EXOC6: variants seen among roughly 807,000 people sequenced by gnomAD.
EXOC6 encodes the protein exocyst complex component 6.
EXOC6 carries 60 observed loss-of-function variants against 112.5 expected under a neutral mutation model. That is an observed-to-expected ratio of 0.53 (90% CI 0.43 to 0.66). EXOC6 has a LOEUF of 0.66. Ranked by LOEUF, EXOC6 falls within the 30% of genes least tolerant of loss-of-function variation. The probability of loss-of-function intolerance (pLI) is 0.00; values close to 1 mark genes in which losing one functional copy is unlikely to be tolerated. For missense variants in EXOC6, 855 were observed against 957.1 expected (o/e 0.89, Z 1.41); for synonymous variants, 295 against 308.0 (o/e 0.96, Z 0.44).
At chr10:92,879,656 A>G (rs1009140562) in intron 1 of EXOC6, among the ~76,000 whole-genome samples, 14 of 152,222 alleles carry the variant, frequency 9.2e-5, no homozygotes, top group Non-Finnish European at 1.8e-4. Flanking sequence ...TTGATATTCA[A>G]TTCCTTATAG....
rs764895746 is a variant in EXOC6, at chr10:92,954,727, A to G, written c.1624A>G (p.Ile542Val). ...CLLNLIRKPHIGLTELVQIII... is the reference protein window; with the variant it reads ...CLLNLIRKPHVGLTELVQIII... ...ACTGAACCTTATTAGAAAACCTCAT[A>G]TAGGTTTGACAGAGGTAGGTTAAAA... Residue 542 changes from isoleucine (I) to valine (V), a missense_variant, in exon 16 of 22, where the codon ATA becomes GTA. Physicochemically the swap from Ile to Val is conservative, Grantham distance 29. Around this residue, in one of 2 missense-constraint regions of EXOC6, gnomAD observed 450 missense variants for 563.5 expected, o/e 0.80. Coordinates refer to ENST00000260762, the MANE Select transcript of EXOC6 (RefSeq NM_019053.6). 9.7e-6 allele frequency: 15 copies of G among 1,549,662 alleles called. No homozygotes were observed. The highest frequency in any genetic ancestry group is 8.5e-5 in the Admixed American group (5 of 58,696).
intron 8 of EXOC6, among the ~76,000 whole-genome samples, chr10:92,927,993 C>T (rs1364918361): frequency 6.6e-6 from 1 of 152,156 alleles, no homozygotes; most frequent in Admixed American, 6.6e-5. Flanking sequence ...CCTTGTATAA[C>T]ATGCTCAGAA....
intron 8 of EXOC6, among the ~76,000 whole-genome samples, chr10:92,922,775 G>C (rs371413362): frequency 7.1e-4 from 108 of 152,196 alleles, no homozygotes; most frequent in African/African-American, 2.5e-3. Context: ...TGAGTATAGG[G>C]ATCATTTTTT....
At chr10:92,955,773 A>G in intron 17 of EXOC6, 59 bp downstream of exon 17, 1 of 1,488,404 alleles carries the variant, frequency 6.7e-7, no homozygotes. Flanking sequence ...ACGTTAAGAA[A>G]TTAAAGACCG....
intron 1 of EXOC6, among the ~76,000 whole-genome samples, chr10:92,860,561 C>G (rs527549665): frequency 3.0e-4 from 45 of 152,188 alleles, no homozygotes; most frequent in African/African-American, 1.1e-3. Context: ...GCGCCTGGCT[C>G]TCCACAACTG....
chr10:93,017,814 G>A lies in EXOC6; in HGVS notation c.2169+3547G>A, dbSNP rs575885856. Among the ~76,000 whole-genome samples, 27 of 151,602 alleles carry A rather than the reference G, an allele frequency of 1.8e-4. No homozygotes were observed. The South Asian group carries it at 4.4e-3, about 25-fold the overall frequency. ...ATCATGAGGTCAGAAGGTCGAGACCGTCCTGGCTAACACAGTGAAACCCCG... is the reference window on the plus strand; with the variant it reads ...ATCATGAGGTCAGAAGGTCGAGACCATCCTGGCTAACACAGTGAAACCCCG... On this transcript the variant is annotated intron_variant, in intron 20 of 21. Transcript: ENST00000260762.
Position 93,058,565 on chromosome 10 carries a change from AT to A in EXOC6, c.*216del. On this transcript the variant is annotated 3_prime_UTR_variant, in exon 22 of 22. Coordinates refer to ENST00000260762, the MANE Select transcript of EXOC6 (RefSeq NM_019053.6). Reference sequence around the variant, plus strand: ...ATTTTATATATGGAAAAAAATGACCATTTTTTCACTTTTAGGGGAAAATGCA... The same window carrying A: ...ATTTTATATATGGAAAAAAATGACCATTTTTCACTTTTAGGGGAAAATGCA... 1 of 368,904 alleles carries A rather than the reference AT, an allele frequency of 2.7e-6. No homozygotes were observed. The highest frequency in any genetic ancestry group is 4.7e-6 in the Non-Finnish European group (1 of 213,140). The allele number at this position is 368,904 out of a possible 1,614,324, so 22.9% of individuals were successfully genotyped here. A position where few individuals can be genotyped will look rare whatever the true frequency, so the allele number is the denominator to read the frequency against.
chr10:92,948,425 A>T (rs754934784), intron 14 of EXOC6, 46 bp downstream of exon 14: 2 of 1,172,078 alleles, frequency 1.7e-6, no homozygotes, highest in African/African-American at 3.2e-5. Context: ...AAATAAATTC[A>T]TAGTATTTGT....
intron 1 of EXOC6, among the ~76,000 whole-genome samples, chr10:92,866,369 A>C (rs924304043): frequency 2.0e-5 from 3 of 152,140 alleles, no homozygotes; most frequent in Non-Finnish European, 4.4e-5. Context: ...AAGTGGCAAA[A>C]CTGAACACTT....
At chr10:92,858,022 T>TCTCCCCCC (rs1847697751) in intron 1 of EXOC6, among the ~76,000 whole-genome samples, 1 of 101,270 alleles carries the variant, frequency 9.9e-6, no homozygotes. Flanking sequence ...GTTGACGGGT[T>TCTCCCCCC]CCCCCCCTCC....
At chr10:93,047,842 A>G (rs930928151) in intron 20 of EXOC6, among the ~76,000 whole-genome samples, 2 of 152,082 alleles carry the variant, frequency 1.3e-5, no homozygotes, top group Non-Finnish European at 1.5e-5. Context: ...GCTACTCAGG[A>G]GGCTGAAGCA....
At chr10:92,909,854 G>T (rs939654350) in intron 6 of EXOC6, among the ~76,000 whole-genome samples, 1 of 152,004 alleles carries the variant, frequency 6.6e-6, no homozygotes, top group Non-Finnish European at 1.5e-5. Flanking sequence ...TTTAGTTACT[G>T]CCCGAACTCT....
intron 17 of EXOC6, among the ~76,000 whole-genome samples, chr10:92,972,097 G>GT (rs1842323235): frequency 6.6e-6 from 1 of 152,226 alleles, no homozygotes; most frequent in Admixed American, 6.5e-5. Flanking sequence ...CCTGGAACCT[G>GT]TAAGTCCCCT....
chr10:92,908,767 C>CA (rs2133868194), intron 5 of EXOC6, among the ~76,000 whole-genome samples: 1 of 152,064 alleles, frequency 6.6e-6, no homozygotes, highest in South Asian at 2.1e-4. Flanking sequence ...AGGGCAAAGG[C>CA]TACACTTTAC....
chr10:92,905,675 C>A (rs1190759397), intron 5 of EXOC6, among the ~76,000 whole-genome samples: 2 of 151,984 alleles, frequency 1.3e-5, no homozygotes, highest in African/African-American at 4.8e-5. Context: ...GGGGGAAAAG[C>A]ATCTTGTTTC....
intron 8 of EXOC6, among the ~76,000 whole-genome samples, chr10:92,925,815 A>G (rs1243708760): frequency 6.6e-6 from 1 of 152,018 alleles, no homozygotes; most frequent in Admixed American, 6.6e-5. Flanking sequence ...GCATGCCACT[A>G]TGCCTGGCTA....
intron 1 of EXOC6, among the ~76,000 whole-genome samples, chr10:92,862,259 G>A (rs1349909933): frequency 2.6e-5 from 4 of 152,068 alleles, no homozygotes; most frequent in Non-Finnish European, 5.9e-5. Context: ...GTGTGTGTCT[G>A]GCTTCTTCCA....
intron 18 of EXOC6, among the ~76,000 whole-genome samples, chr10:92,984,419 AC>A (rs1388456011): frequency 2.6e-5 from 4 of 151,950 alleles, no homozygotes; most frequent in Non-Finnish European, 5.9e-5. Context: ...CCTAACCAGT[AC>A]CGGTTGCTCT....
At chr10:93,050,956 T>G (rs1291198517) in intron 20 of EXOC6, among the ~76,000 whole-genome samples, 1 of 151,912 alleles carries the variant, frequency 6.6e-6, no homozygotes, top group Non-Finnish European at 1.5e-5. Context: ...GAACTGTTGG[T>G]TTCATGATAT....
Sources: gnomAD v4.1 joint callset for allele counts (sites outside exome capture counted in the v4.1 genomes callset) on GRCh38, gnomAD v4.1.1 for gene constraint, gnomAD v4.1.1 regional missense constraint, MANE v1.5 for transcripts, NCBI Gene and HGNC (gene_info 2026-07-23, HGNC 2026-07-21) for gene names.